The following LARGE1 variants were observed in gnomAD, a reference collection of about 807,000 sequenced individuals.
The protein encoded by LARGE1 is xylosyl- and glucuronyltransferase LARGE1.
Under a neutral mutation model 87.6 loss-of-function variants are expected in LARGE1, and 43 were observed. That is an observed-to-expected ratio of 0.49 (90% CI 0.38 to 0.63). The LOEUF (loss-of-function observed/expected upper bound fraction) is 0.63, where lower values mean the gene tolerates loss of function less well. LARGE1 is among the 30% of genes least tolerant of loss of function. The pLI is 0.00. For missense variants in LARGE1, 802 were observed against 1,000.2 expected (o/e 0.80, Z 2.67); for synonymous variants, 434 against 394.6 (o/e 1.10, Z -1.18).
intron 7 of LARGE1, among the ~76,000 whole-genome samples, chr22:33,405,893 A>T (rs2066079784): frequency 6.6e-6 from 1 of 152,154 alleles, no homozygotes; most frequent in Non-Finnish European, 1.5e-5. Context: ...ATCTGTGGTT[A>T]CGTTAACTCA....
At chr22:33,885,320 G>C (rs1203385119) in intron 1 of LARGE1, among the ~76,000 whole-genome samples, 1 of 152,156 alleles carries the variant, frequency 6.6e-6, no homozygotes, top group Non-Finnish European at 1.5e-5. Context: ...CCTCTGCGGA[G>C]GGGGCAGCTC....
At chr22:33,916,158 G>A (rs1360301510) in intron 1 of LARGE1, among the ~76,000 whole-genome samples, 1 of 152,068 alleles carries the variant, frequency 6.6e-6, no homozygotes, top group Non-Finnish European at 1.5e-5. Context: ...GCGGGCGCCT[G>A]TAATCCCAGC....
chr22:33,768,602 A>G (rs1331308398), intron 1 of LARGE1, among the ~76,000 whole-genome samples: 1 of 152,026 alleles, frequency 6.6e-6, no homozygotes, highest in East Asian at 1.9e-4. Flanking sequence ...GCTTCTCAAC[A>G]CCAACAGGAG....
the LARGE1 span, among the ~76,000 whole-genome samples, chr22:33,109,727 G>A: frequency 7.2e-5 from 11 of 152,232 alleles, no homozygotes; most frequent in East Asian, 5.8e-4. Context: ...TTTGAATTAC[G>A]TGGGCAGATC....
At chr22:33,082,961 C>A in the LARGE1 span, among the ~76,000 whole-genome samples, 1 of 152,088 alleles carries the variant, frequency 6.6e-6, no homozygotes, top group Non-Finnish European at 1.5e-5. Context: ...GGAGGCGGAG[C>A]TTGCAGTGAG....
At chr22:33,100,378 A>C in the LARGE1 span, among the ~76,000 whole-genome samples, 1 of 151,242 alleles carries the variant, frequency 6.6e-6, no homozygotes, top group Non-Finnish European at 1.5e-5. Flanking sequence ...AAAAGTAAAA[A>C]ATTAAATAAA....
At chr22:33,802,173 T>G (rs999818741) in intron 1 of LARGE1, among the ~76,000 whole-genome samples, 3 of 152,094 alleles carry the variant, frequency 2.0e-5, no homozygotes, top group Non-Finnish European at 2.9e-5. Context: ...CAAAAGAAAT[T>G]CTGACCCCAG....
intron 3 of LARGE1, among the ~76,000 whole-genome samples, chr22:33,629,549 T>C (rs1204707284): frequency 6.6e-6 from 1 of 152,084 alleles, no homozygotes; most frequent in Non-Finnish European, 1.5e-5. Context: ...ATCGACTATG[T>C]TCTTAGAGGA....
intron 1 of LARGE1, among the ~76,000 whole-genome samples, chr22:33,862,059 C>G (rs975203915): frequency 6.6e-6 from 1 of 151,856 alleles, no homozygotes; most frequent in Non-Finnish European, 1.5e-5. Flanking sequence ...GAGGGTCTCA[C>G]CATGTTGGCC....
At chr22:33,879,484 G>A (rs189512235) in intron 1 of LARGE1, among the ~76,000 whole-genome samples, 1 of 152,182 alleles carries the variant, frequency 6.6e-6, no homozygotes, top group Non-Finnish European at 1.5e-5. Context: ...TGGCAGAGTA[G>A]ACTTCAAACC....
At chr22:33,795,073 C>T (rs1467128522) in intron 1 of LARGE1, among the ~76,000 whole-genome samples, 2 of 152,184 alleles carry the variant, frequency 1.3e-5, no homozygotes, top group Non-Finnish European at 2.9e-5. Flanking sequence ...AGAGTTGTTG[C>T]TGATCCTATT....
chr22:33,401,321 A>T (rs1379058579), intron 7 of LARGE1, among the ~76,000 whole-genome samples: 1 of 152,138 alleles, frequency 6.6e-6, no homozygotes, highest in Non-Finnish European at 1.5e-5. Flanking sequence ...AGTTAAAATG[A>T]GGTCAGACGG....
chr22:33,282,416 CCT>C (rs1168501739), intron 13 of LARGE1, among the ~76,000 whole-genome samples: 5 of 152,160 alleles, frequency 3.3e-5, no homozygotes, highest in Non-Finnish European at 7.4e-5. Flanking sequence ...ACGTACCAGC[CCT>C]CTCTTTAGAC....
At chr22:33,350,706 G>T (rs1482268579) in intron 9 of LARGE1, among the ~76,000 whole-genome samples, 1 of 152,178 alleles carries the variant, frequency 6.6e-6, no homozygotes, top group Non-Finnish European at 1.5e-5. Context: ...GGCACCTTCC[G>T]TGAGGCCCAC....
chr22:33,257,487 G>A (rs1309067425), intron 11 of LARGE1, among the ~76,000 whole-genome samples: 2 of 152,070 alleles, frequency 1.3e-5, no homozygotes, highest in African/African-American at 4.8e-5. Context: ...CAGGGGGGTG[G>A]GAGGGAATGA....
intron 5 of LARGE1, among the ~76,000 whole-genome samples, chr22:33,570,627 A>T (rs2078167824): frequency 7.3e-6 from 1 of 136,650 alleles, no homozygotes; most frequent in Non-Finnish European, 1.5e-5. Context: ...CAGCCTGGCA[A>T]TGGAGCGAGA....
chr22:33,330,509 G>A (rs11703446), intron 10 of LARGE1, among the ~76,000 whole-genome samples: 5 of 152,054 alleles, frequency 3.3e-5, no homozygotes, highest in Non-Finnish European at 7.4e-5. Context: ...ATTCTTGAGG[G>A]GCTGGGTTGT....
At chr22:33,729,393 G>A (rs1196167347) in intron 2 of LARGE1, among the ~76,000 whole-genome samples, 1 of 152,236 alleles carries the variant, frequency 6.6e-6, no homozygotes, top group Admixed American at 6.5e-5. Flanking sequence ...CAATGTCATG[G>A]GAAATGGGTT....
chr22:33,302,298 G>A (rs189827380), intron 12 of LARGE1, among the ~76,000 whole-genome samples: 215 of 152,306 alleles, frequency 1.4e-3, no homozygotes, highest in African/African-American at 4.7e-3. Flanking sequence ...GCAGCCTGGT[G>A]GGTCAGGGGT....
Sources: gnomAD v4.1 joint callset for allele counts (sites outside exome capture counted in the v4.1 genomes callset) on GRCh38, gnomAD v4.1.1 for gene constraint, MANE v1.5 for transcripts, NCBI Gene and HGNC (gene_info 2026-07-23, HGNC 2026-07-21) for gene names.